Variants in NPHP1 observed in about 807,000 individuals in gnomAD.
The protein encoded by NPHP1 is nephrocystin 1, also known as nephrocystin-1.
A neutral mutation model predicts 90.4 loss-of-function variants in NPHP1; 70 were observed. The ratio of observed to expected loss-of-function variants is 0.77; its 90% CI spans 0.64 to 0.95. The LOEUF is 0.95. NPHP1 is among the 40% of genes least tolerant of loss of function. NPHP1 has a pLI of 0.00. For synonymous variants in NPHP1, 256 were observed against 271.7 expected (o/e 0.94, Z 0.57); for missense variants, 764 against 795.9 (o/e 0.96, Z 0.48).
chr2:110,125,384 A>C, intron 19 of NPHP1: 3 of 1,444,714 alleles, frequency 2.1e-6, no homozygotes, highest in Non-Finnish European at 2.8e-6. Context: ...TTTGGCTTAG[A>C]AACTTCCCCT....
In NPHP1 at chr2:110,136,554, G is replaced by C. The variant is rs575812346; in HGVS notation, c.1530-4763C>G. Among the ~76,000 whole-genome samples, 17 of 152,182 alleles carry C rather than the reference G, an allele frequency of 1.1e-4. 1 individual carries two copies. Among genetic ancestry groups the C allele is most frequent in the East Asian group, 5.8e-4 (3 of 5,182 alleles). Reference sequence around the variant, plus strand: ...ACAGACAAACAGAGAGCCAAATCATGAGTGAACTCCCATTCACAATTGCTA... The same window carrying C: ...ACAGACAAACAGAGAGCCAAATCATCAGTGAACTCCCATTCACAATTGCTA... On this transcript the variant is annotated intron_variant, in intron 16 of 19. Coordinates refer to ENST00000445609, the MANE Select transcript of NPHP1 (RefSeq NM_001128178.3).
chr2:110,192,160 T>C (rs1242157277), intron 2 of NPHP1, among the ~76,000 whole-genome samples: 1 of 152,184 alleles, frequency 6.6e-6, no homozygotes, highest in Non-Finnish European at 1.5e-5. Flanking sequence ...GGACGGAGAA[T>C]GACTTTCATG....
intron 8 of NPHP1, chr2:110,163,387 A>G (rs1007722496): frequency 8.6e-5 from 42 of 490,454 alleles, no homozygotes; most frequent in Non-Finnish European, 1.5e-4. Context: ...TGCTTCAAGT[A>G]TACCCTTATC....
At chr2:110,143,198 A>C (rs1466043809) in intron 16 of NPHP1, among the ~76,000 whole-genome samples, 1 of 152,182 alleles carries the variant, frequency 6.6e-6, no homozygotes, top group African/African-American at 2.4e-5. Context: ...ATAAACTAAA[A>C]AGAGTAAATT....
intron 19 of NPHP1, chr2:110,124,365 A>G: frequency 2.2e-6 from 1 of 462,030 alleles, no homozygotes; most frequent in Non-Finnish European, 4.0e-6. Flanking sequence ...ATTGCAGTCT[A>G]ATTTTGGTGA....
intron 1 of NPHP1, 34 bp downstream of exon 1, chr2:110,204,866 C>T: frequency 1.2e-6 from 2 of 1,610,078 alleles, no homozygotes; most frequent in Non-Finnish European, 1.7e-6. Context: ...CGCCTGTCGC[C>T]CGCCCCAGGG....
At chr2:110,179,468 A>T (rs1181636270) in intron 3 of NPHP1, among the ~76,000 whole-genome samples, 156 bp downstream of exon 3, 1 of 152,178 alleles carries the variant, frequency 6.6e-6, no homozygotes, top group Non-Finnish European at 1.5e-5. Context: ...CCAAGCACAG[A>T]CTTAGCAAGC....
chr2:110,157,403 T>C (rs781302035), intron 11 of NPHP1, among the ~76,000 whole-genome samples: 1 of 152,114 alleles, frequency 6.6e-6, no homozygotes, highest in Non-Finnish European at 1.5e-5. Flanking sequence ...GAATGTATTA[T>C]GGAAGTGAGG....
chr2:110,203,730 G>A (rs1271528099), intron 1 of NPHP1, among the ~76,000 whole-genome samples: 1 of 151,798 alleles, frequency 6.6e-6, no homozygotes, highest in Non-Finnish European at 1.5e-5. Context: ...AAATTAAAAT[G>A]TCAGAAAATA....
chr2:110,147,432 G>A (rs1026954898), intron 13 of NPHP1, among the ~76,000 whole-genome samples: 2 of 152,058 alleles, frequency 1.3e-5, no homozygotes, highest in Admixed American at 6.5e-5. Context: ...TACCTATCAA[G>A]CTATTATTAG....
intron 11 of NPHP1, among the ~76,000 whole-genome samples, chr2:110,155,224 T>C (rs1681799610): frequency 6.6e-6 from 1 of 152,200 alleles, no homozygotes; most frequent in Non-Finnish European, 1.5e-5. Flanking sequence ...AAGTCAAGAA[T>C]TGAGGTTTGG....
intron 14 of NPHP1, 137 bp downstream of exon 14, chr2:110,146,613 AAAC>A (rs1184212996): frequency 1.4e-6 from 1 of 710,864 alleles, no homozygotes; most frequent in Non-Finnish European, 2.6e-6. Context: ...TACACTGCCT[AAAC>A]AACACTAAAG....
intron 2 of NPHP1, 25 bp from the exon 3 acceptor site, chr2:110,179,709 A>G: frequency 9.6e-7 from 1 of 1,041,800 alleles, no homozygotes; most frequent in Non-Finnish European, 1.5e-6. Context: ...AAAAGAAAAT[A>G]TATTGATTTT....
At chr2:110,173,857 T>A (rs1683333173) in intron 4 of NPHP1, among the ~76,000 whole-genome samples, 1 of 152,174 alleles carries the variant, frequency 6.6e-6, no homozygotes, top group Admixed American at 6.5e-5. Context: ...TCTAGCTCTG[T>A]TTTAGTTCTG....
intron 8 of NPHP1, chr2:110,163,755 G>A (rs1682515590): frequency 6.5e-6 from 1 of 154,760 alleles, no homozygotes; most frequent in Non-Finnish European, 1.4e-5. Flanking sequence ...CCGCCTCCCA[G>A]GTTCAAGCAA....
chr2:110,125,360 C>A (rs1025683793), intron 19 of NPHP1: 4 of 1,505,674 alleles, frequency 2.7e-6, no homozygotes, highest in Middle Eastern at 1.7e-4. Context: ...AAATTTGATA[C>A]ACAACTGAGA....
rs1679184920 is a variant in NPHP1 at position 110,124,110 on chromosome 2, T to C, written c.1762-47A>G. 5.0e-6 allele frequency: 8 copies of C among 1,607,964 alleles called. No homozygotes were observed. The Admixed American group carries it at 1.0e-4, about 20-fold the overall frequency. On this transcript the variant is annotated intron_variant, in intron 19 of 19. Coordinates refer to ENST00000445609, the MANE Select transcript of NPHP1 (RefSeq NM_001128178.3). ...AAATAACATTGTTATTTTTAAAGTG[T>C]TAAATTCTGTGAACTCTATTAACTA...
chr2:110,200,147 C>T (rs1184419246), intron 2 of NPHP1, among the ~76,000 whole-genome samples: 4 of 151,918 alleles, frequency 2.6e-5, no homozygotes, highest in Non-Finnish European at 4.4e-5. Context: ...CCCAGCTACT[C>T]GGGAGGCTGA....
intron 11 of NPHP1, among the ~76,000 whole-genome samples, chr2:110,159,585 C>T (rs557060199): frequency 1.3e-4 from 20 of 152,028 alleles, no homozygotes; most frequent in African/African-American, 4.8e-4. Context: ...ATAATATCTC[C>T]TTATTGGCCT....
Sources: allele counts gnomAD v4.1 joint callset (sites outside exome capture counted in the v4.1 genomes callset), GRCh38; gene constraint gnomAD v4.1.1; transcripts MANE v1.5; gene names NCBI Gene and HGNC (gene_info 2026-07-23, HGNC 2026-07-21).